MDM2: variants seen among roughly 807,000 people sequenced by gnomAD.
MDM2 encodes MDM2 proto-oncogene.
Under a neutral mutation model 64.3 loss-of-function variants are expected in MDM2, and 11 were observed. The observed-to-expected ratio is 0.17, with a 90% CI of 0.11 to 0.28. The LOEUF (loss-of-function observed/expected upper bound fraction) is 0.28, where lower values mean the gene tolerates loss of function less well. Ranked by LOEUF, MDM2 falls within the 10% of genes least tolerant of loss-of-function variation. The pLI is 1.00. For synonymous variants in MDM2, 194 were observed against 192.9 expected (o/e 1.01, Z -0.05); for missense variants, 388 against 577.1 (o/e 0.67, Z 3.36).
downstream of MDM2, chr12:68,845,930 A>T (rs1450000491): frequency 6.6e-6 from 1 of 152,188 alleles, no homozygotes; most frequent in East Asian, 1.9e-4. Context: ...AGGTCCAGCT[A>T]ACCTTCCCCC....
intron 5 of MDM2, among the ~76,000 whole-genome samples, chr12:68,821,209 G>A (rs560120495): frequency 4.5e-4 from 69 of 151,924 alleles, no homozygotes; most frequent in Non-Finnish European, 7.9e-4. Context: ...CACCACGCCC[G>A]GCTAATTTTT....
intron 7 of MDM2, among the ~76,000 whole-genome samples, chr12:68,825,287 A>C (rs1177586102): frequency 1.3e-5 from 2 of 152,202 alleles, no homozygotes; most frequent in Non-Finnish European, 2.9e-5. Context: ...TTAAATTTTT[A>C]AATTGTTATT....
At chr12:68,813,522 G>C (rs766057047) in intron 2 of MDM2, 32 bp from the exon 3 acceptor site, 2 of 1,481,450 alleles carry the variant, frequency 1.4e-6, no homozygotes, top group South Asian at 2.3e-5. Context: ...GATAATTTTG[G>C]AAGTATAATA....
rs1389820992 is a variant in MDM2, at chr12:68,808,247, A to T, written c.-231A>T. ...CTGTGTGGCCCTGTGTGTCGGAAAG[A>T]TGGAGCAAGAAGCCGAGCCCGAGGG... is the stretch of plus-strand genomic sequence containing the variant. On this transcript the variant is annotated 5_prime_UTR_variant, in exon 1 of 11. The change abolishes an upstream ATG in the 5' untranslated region. Transcript: ENST00000258149. 2 of 589,720 alleles carry T rather than the reference A, an allele frequency of 3.4e-6. No homozygotes were observed. Among genetic ancestry groups the T allele is most frequent in the East Asian group, 3.0e-5 (1 of 33,260 alleles). 36.5% of individuals were successfully genotyped at this position (589,720 alleles called of 1,614,324 possible).
intron 4 of MDM2, among the ~76,000 whole-genome samples, chr12:68,817,355 C>T (rs1166442253): frequency 1.3e-5 from 2 of 152,162 alleles, no homozygotes; most frequent in African/African-American, 2.4e-5. Context: ...TATACCACCA[C>T]GTGGTAAAGG....
At chr12:68,818,533 T>C (rs1336119303) in intron 4 of MDM2, among the ~76,000 whole-genome samples, 1 of 148,226 alleles carries the variant, frequency 6.7e-6, no homozygotes. Flanking sequence ...TAATTTGTAT[T>C]ATAATTTGTA....
intron 3 of MDM2, chr12:68,815,600 C>T: frequency 2.5e-6 from 1 of 406,038 alleles, no homozygotes; most frequent in Non-Finnish European, 4.9e-6. Context: ...TACCACTATG[C>T]CTGGCTAATT....
Position 68,808,336 on chromosome 12 carries a change from G to A in MDM2, c.-142G>A, listed in dbSNP as rs1418786130. The A allele has an allele frequency of 9.2e-7, 1 of 1,087,908 alleles. No individual in the cohort carries two copies. The highest frequency in any genetic ancestry group is 1.6e-5 in the African/African-American group (1 of 63,934). The allele number at this position is 1,087,908 out of a possible 1,614,324, so 67.4% of individuals were successfully genotyped here. ...GCAGCCAGGAGCACCGTCCCTCCCC[G>A]GATTAGTGCGTACGAGCGCCCAGTG... On this transcript the variant is annotated 5_prime_UTR_variant, in exon 1 of 11. Transcript: ENST00000258149.
At chr12:68,809,947 T>C (rs1166512780) in intron 2 of MDM2, among the ~76,000 whole-genome samples, 2 of 152,220 alleles carry the variant, frequency 1.3e-5, no homozygotes, top group Admixed American at 6.5e-5. Flanking sequence ...AATTGCCTCC[T>C]GTTTTTGAGT....
In MDM2 at chr12:68,808,426, A is replaced by G. The variant is rs1880548424; in HGVS notation, c.-52A>G. On this transcript the variant is annotated 5_prime_UTR_variant, in exon 1 of 11. Transcript: ENST00000258149. ...CGTCGTGCTTCCGCGCGCCCCGTGA[A>G]GGAAACTGGGGAGTCTTGAGGGACC... 2 of 1,613,572 alleles carry G rather than the reference A, an allele frequency of 1.2e-6. No individual in the cohort carries two copies. Among genetic ancestry groups the G allele is most frequent in the South Asian group, 1.1e-5 (1 of 91,068 alleles).
chr12:68,822,421 AATT>A (rs1881934513), intron 5 of MDM2, among the ~76,000 whole-genome samples: 1 of 111,068 alleles, frequency 9.0e-6, no homozygotes, highest in Non-Finnish European at 1.8e-5. Flanking sequence ...CTTTTTTTTT[AATT>A]ATTATACTTT....
chr12:68,833,141 AAAAAAAAAATAT>A (rs1882945351), intron 8 of MDM2, among the ~76,000 whole-genome samples: 1 of 112,994 alleles, frequency 8.9e-6, no homozygotes, highest in African/African-American at 3.9e-5. Flanking sequence ...AAAAAAAAAA[AAAAAAAAAATAT>A]ATATATATAT....
chr12:68,836,587 T>TA, intron 9 of MDM2, 85 bp from the exon 10 acceptor site: 1 of 902,482 alleles, frequency 1.1e-6, no homozygotes, highest in Non-Finnish European at 1.9e-6. Context: ...TAGTACATGA[T>TA]ATTTGTTTAG....
downstream of MDM2, chr12:68,850,002 G>A (rs1211180030): frequency 6.6e-6 from 1 of 152,326 alleles, no homozygotes; most frequent in Non-Finnish European, 1.5e-5. Flanking sequence ...AAAAACCCTT[G>A]GCTGGGGGGT....
At chr12:68,848,162 CATT>C (rs1243331378), downstream of MDM2, 9 of 152,194 alleles carry the variant, frequency 5.9e-5, no homozygotes, top group African/African-American at 1.9e-4. Context: ...GTTCATTAAA[CATT>C]AATCTCACTG....
chr12:68,817,464 A>G (rs1306419676), intron 4 of MDM2, among the ~76,000 whole-genome samples: 1 of 152,146 alleles, frequency 6.6e-6, no homozygotes, highest in Non-Finnish European at 1.5e-5. Context: ...TATTTCTAGA[A>G]ATAGGCCTGG....
intron 3 of MDM2, 131 bp from the exon 4 acceptor site, chr12:68,816,681 G>T (rs1663576): frequency 6.3e-6 from 5 of 790,932 alleles, no homozygotes; most frequent in African/African-American, 1.8e-5. Context: ...AGTACAAAAT[G>T]GTTGTTCTAC....
chr12:68,808,495 C>A lies in MDM2; in HGVS notation c.14+4C>A, dbSNP rs1294173107. The stretch of plus-strand genomic sequence containing the variant: ...AACCCCGGATGGTGAGGAGCAGGTA[C>A]TGGCCCGGCAGCGAGCGGTCACTTT... On this transcript the variant is annotated splice_donor_region_variant and intron_variant, in intron 1 of 10. Transcript: ENST00000258149. 6.2e-7 allele frequency: 1 copy of A among 1,614,140 alleles called. No individual in the cohort carries two copies. Among genetic ancestry groups the A allele is most frequent in the East Asian group, 2.2e-5 (1 of 44,872 alleles).
chr12:68,809,718 A>AT (rs1880693675), intron 2 of MDM2, among the ~76,000 whole-genome samples: 2 of 152,106 alleles, frequency 1.3e-5, no homozygotes, highest in African/African-American at 4.8e-5. Context: ...TTCCTTTTAG[A>AT]TTTTTTGTGT....
Sources: gnomAD v4.1 joint callset for allele counts (sites outside exome capture counted in the v4.1 genomes callset) on GRCh38, gnomAD v4.1.1 for gene constraint, MANE v1.5 for transcripts, NCBI Gene and HGNC (gene_info 2026-07-23, HGNC 2026-07-21) for gene names.